Variants in VCL observed in about 807,000 individuals in gnomAD.
VCL encodes vinculin, also known as epididymis luminal protein 114.
Under a neutral mutation model 125.7 loss-of-function variants are expected in VCL, and 47 were observed. That is an observed-to-expected ratio of 0.37 (90% CI 0.30 to 0.48). VCL has a LOEUF of 0.48. Among genes scored for constraint, VCL ranks in the 20% least tolerant of loss-of-function variants. The probability of loss-of-function intolerance (pLI) is 0.99; values close to 1 mark genes in which losing one functional copy is unlikely to be tolerated. For synonymous variants in VCL, 458 were observed against 514.6 expected, an observed-to-expected ratio of 0.89 and a Z score of 1.49; for missense variants, 1,069 against 1,455.5, an observed-to-expected ratio of 0.73 and a Z score of 4.32.
chr10:74,021,146 G>A (rs1204164854), intron 1 of VCL, among the ~76,000 whole-genome samples: 1 of 152,062 alleles, frequency 6.6e-6, no homozygotes, highest in Non-Finnish European at 1.5e-5. Flanking sequence ...TGGGCCCAGT[G>A]CAGATGTCAC....
intron 1 of VCL, among the ~76,000 whole-genome samples, chr10:74,029,747 T>C (rs944493608): frequency 4.6e-5 from 7 of 152,220 alleles, no homozygotes; most frequent in African/African-American, 1.7e-4. Flanking sequence ...AATTTTGACC[T>C]TTAGGCCCTA....
intron 8 of VCL, among the ~76,000 whole-genome samples, chr10:74,087,349 T>C (rs962480405): frequency 7.0e-6 from 1 of 142,138 alleles, no homozygotes; most frequent in African/African-American, 2.6e-5. Context: ...CTTTTTTTTT[T>C]TTTTTTCTTT....
At chr10:74,057,326 A>T (rs961393701) in intron 2 of VCL, among the ~76,000 whole-genome samples, 4 of 152,156 alleles carry the variant, frequency 2.6e-5, no homozygotes, top group African/African-American at 9.7e-5. Flanking sequence ...TATTTGAAGC[A>T]TACTAGAATG....
intron 21 of VCL, among the ~76,000 whole-genome samples, chr10:74,116,793 T>C (rs1840317258): frequency 1.3e-5 from 2 of 152,192 alleles, no homozygotes; most frequent in Admixed American, 6.5e-5. Flanking sequence ...ACTCTATGAA[T>C]GTCTCTGGGC....
At position 74,074,775 on chromosome 10, in the gene VCL, A is replaced by G. The variant is rs1192467361; in HGVS notation, c.655A>G (p.Lys219Glu). Reference protein sequence around the residue: ...MKIFVTTKNSKNQGIEEALKN... With the variant: ...MKIFVTTKNSENQGIEEALKN... Reference sequence around the variant, plus strand: ...GATTTTTGTAACAACTAAAAACTCAAAAAACCAAGGCATAGAGGAAGCTTT... The same window carrying G: ...GATTTTTGTAACAACTAAAAACTCAGAAAACCAAGGCATAGAGGAAGCTTT... The change falls in exon 6 of 22, where the codon AAA (lysine) becomes GAA (glutamate). Residue 219 changes from lysine to glutamate, a missense_variant. By Grantham distance (56) the Lys-to-Glu change is moderately conservative. This residue lies in a region of VCL where 760 missense variants were observed against 928.9 expected (regional missense o/e 0.82). Transcript: ENST00000211998. 1.4e-5 allele frequency: 23 copies of G among 1,613,310 alleles called. No homozygotes were observed. Among genetic ancestry groups the G allele is most frequent in the Non-Finnish European group, 1.9e-5 (22 of 1,179,898 alleles).
chr10:74,002,832 A>G (rs1840253205), intron 1 of VCL, among the ~76,000 whole-genome samples: 2 of 149,568 alleles, frequency 1.3e-5, no homozygotes, highest in Admixed American at 1.3e-4. Flanking sequence ...CACTGAGCTG[A>G]GATCTTGCCA....
chr10:74,017,149 G>T (rs1382818282), intron 1 of VCL, among the ~76,000 whole-genome samples: 1 of 141,730 alleles, frequency 7.1e-6, no homozygotes, highest in African/African-American at 2.7e-5. Context: ...CCGGGTTCAC[G>T]CCATTCTCCT....
chr10:73,998,193 CCGCTCGCCGCCG>C lies in VCL; in HGVS notation c.-12_-1del. The C allele has an allele frequency of 6.2e-7, 1 of 1,610,540 alleles. No homozygotes were observed. The highest frequency in any genetic ancestry group is 8.5e-7 in the Non-Finnish European group (1 of 1,178,552). ...TCTCTGTCGCCCGCGGTTCGCCGCC[CCGCTCGCCGCCG>C]CGATGCCAGTGTTTCATACGCGCAC... On this transcript the variant is annotated 5_prime_UTR_variant, in exon 1 of 22. Coordinates refer to ENST00000211998, the MANE Select transcript of VCL (RefSeq NM_014000.3).
At chr10:74,039,474 C>A (rs1015388818) in intron 1 of VCL, among the ~76,000 whole-genome samples, 8 of 151,600 alleles carry the variant, frequency 5.3e-5, no homozygotes, top group African/African-American at 1.9e-4. Context: ...TAAAAATAGG[C>A]AAAATGACCT....
intron 1 of VCL, among the ~76,000 whole-genome samples, chr10:74,015,637 A>T (rs924163483): frequency 8.6e-5 from 13 of 151,202 alleles, no homozygotes; most frequent in Middle Eastern, 3.5e-3. Flanking sequence ...CATTTAATCC[A>T]TTCACTGCAT....
Position 74,010,493 on chromosome 10 carries a change from C to A in VCL, c.168+12118C>A, listed in dbSNP as rs1350900480. Among the ~76,000 whole-genome samples the A allele has an allele frequency of 2.0e-5, 3 of 152,060 alleles. No homozygotes were observed. The South Asian group carries it at 6.2e-4, about 32-fold the overall frequency. On this transcript the variant is annotated intron_variant, in intron 1 of 21. Transcript: ENST00000211998. ...TAGAAAATCTATCTTTATTTGCAATCTTCTGTCAGTATTTCTCAGCCTTTT... is the reference window on the plus strand; with the variant it reads ...TAGAAAATCTATCTTTATTTGCAATATTCTGTCAGTATTTCTCAGCCTTTT...
At position 74,118,249 on chromosome 10, in the gene VCL, GT is replaced by G. The variant is rs1447579025; in HGVS notation, c.*82del. The G allele has an allele frequency of 1.3e-6, 2 of 1,583,750 alleles. No homozygotes were observed. Among genetic ancestry groups the G allele is most frequent in the Non-Finnish European group, 1.7e-6 (2 of 1,162,230 alleles). ...ATCTGAGTCCCAGGAGCTGCCCAGA[GT>G]TGCTGGGAGCTGAAAAATCACATCC... is the stretch of plus-strand genomic sequence containing the variant. On this transcript the variant is annotated 3_prime_UTR_variant, in exon 22 of 22. Coordinates refer to ENST00000211998, the MANE Select transcript of VCL (RefSeq NM_014000.3).
At chr10:74,052,447 G>C (rs1164121948) in intron 2 of VCL, among the ~76,000 whole-genome samples, 4 of 143,794 alleles carry the variant, frequency 2.8e-5, no homozygotes, top group Non-Finnish European at 6.0e-5. Context: ...CGTGATCTCA[G>C]CTCACTGCAA....
At chr10:74,049,228 T>G (rs569511846) in intron 2 of VCL, among the ~76,000 whole-genome samples, 2 of 152,218 alleles carry the variant, frequency 1.3e-5, no homozygotes, top group African/African-American at 4.8e-5. Flanking sequence ...CATTGAAGTA[T>G]AATATGCTTG....
At chr10:74,021,227 AT>A (rs751251514) in intron 1 of VCL, among the ~76,000 whole-genome samples, 24 of 151,942 alleles carry the variant, frequency 1.6e-4, no homozygotes, top group Non-Finnish European at 3.1e-4. Flanking sequence ...TTACTAAAAT[AT>A]TTGACTATGG....
At chr10:74,064,139 G>T (rs1841525435) in intron 2 of VCL, among the ~76,000 whole-genome samples, 1 of 152,172 alleles carries the variant, frequency 6.6e-6, no homozygotes, top group Admixed American at 6.5e-5. Flanking sequence ...CGCTAGAATG[G>T]CTCACATAAC....
intron 2 of VCL, among the ~76,000 whole-genome samples, chr10:74,049,854 A>G (rs1841267323): frequency 6.6e-6 from 1 of 152,238 alleles, no homozygotes; most frequent in African/African-American, 2.4e-5. Flanking sequence ...GCTAGATGTC[A>G]AACTGACCAG....
intron 2 of VCL, among the ~76,000 whole-genome samples, chr10:74,066,061 ATT>A (rs954704183): frequency 8.7e-5 from 12 of 137,462 alleles, no homozygotes; most frequent in South Asian, 4.6e-4. Flanking sequence ...ATATATATAT[ATT>A]TTTTTTTTTT....
intron 2 of VCL, among the ~76,000 whole-genome samples, chr10:74,049,842 A>G (rs1193148189): frequency 6.6e-6 from 1 of 152,216 alleles, no homozygotes; most frequent in Non-Finnish European, 1.5e-5. Flanking sequence ...AACAGAGAAT[A>G]AGCTAGATGT....
Sources: allele counts gnomAD v4.1 joint callset (sites outside exome capture counted in the v4.1 genomes callset), GRCh38; gene constraint gnomAD v4.1.1; regional missense constraint gnomAD v4.1.1; transcripts MANE v1.5; gene names NCBI Gene and HGNC (gene_info 2026-07-23, HGNC 2026-07-21).